Variants in UHRF2 observed in about 807,000 individuals in gnomAD.
The protein encoded by UHRF2 is ubiquitin like with PHD and ring finger domains 2.
In UHRF2, 23 loss-of-function variants were observed where a neutral mutation model predicts 96.8. The observed-to-expected ratio is 0.24, with a 90% CI of 0.17 to 0.34. UHRF2 has a LOEUF of 0.34. UHRF2 is among the 10% of genes least tolerant of loss of function. The pLI is 1.00. For synonymous variants in UHRF2, 385 were observed against 332.6 expected, an observed-to-expected ratio of 1.16 and a Z score of -1.72; for missense variants, 685 against 981.5, an observed-to-expected ratio of 0.70 and a Z score of 4.04.
chr9:6,450,056 G>C (rs980148980), intron 3 of UHRF2, among the ~76,000 whole-genome samples: 1 of 152,118 alleles, frequency 6.6e-6, no homozygotes, highest in African/African-American at 2.4e-5. Flanking sequence ...ATAATGTGTA[G>C]AGGAGTCCTG....
intron 2 of UHRF2, chr9:6,422,495 A>G: frequency 2.4e-6 from 1 of 425,226 alleles, no homozygotes; most frequent in Non-Finnish European, 4.3e-6. Flanking sequence ...AGCTCTACAA[A>G]TCTGATGGGA....
chr9:6,418,888 C>G (rs1474535068), intron 1 of UHRF2, among the ~76,000 whole-genome samples: 2 of 152,124 alleles, frequency 1.3e-5, no homozygotes, highest in Non-Finnish European at 2.9e-5. Flanking sequence ...CAGGGCCGTC[C>G]TCTGATAGCT....
Position 6,443,639 on chromosome 9 carries a change from A to G in UHRF2, c.644+9466A>G, listed in dbSNP as rs762422752. On this transcript the variant is annotated intron_variant, in intron 3 of 15. Coordinates refer to ENST00000276893, the MANE Select transcript of UHRF2 (RefSeq NM_152896.3). ...ACCAGAGAAGTTCTTTTTCTTGTCCATAAACACCTGTATGTACTTCTCTGT... is the reference window on the plus strand; with the variant it reads ...ACCAGAGAAGTTCTTTTTCTTGTCCGTAAACACCTGTATGTACTTCTCTGT... Among the ~76,000 whole-genome samples, 79 of 152,350 alleles carry G rather than the reference A, an allele frequency of 5.2e-4. 1 individual carries two copies. Among genetic ancestry groups the G allele is most frequent in the Non-Finnish European group, 3.4e-4 (23 of 68,032 alleles).
chr9:6,491,260 T>G (rs940094740), intron 9 of UHRF2, among the ~76,000 whole-genome samples: 1 of 152,228 alleles, frequency 6.6e-6, no homozygotes. Context: ...TGGAGCCATC[T>G]CTTTTCCTAG....
intron 2 of UHRF2, among the ~76,000 whole-genome samples, chr9:6,430,992 A>T (rs1347122342): frequency 2.6e-5 from 4 of 151,902 alleles, no homozygotes; most frequent in Non-Finnish European, 4.4e-5. Context: ...CTATTTTGCT[A>T]CTCCTTTAGC....
intron 3 of UHRF2, among the ~76,000 whole-genome samples, chr9:6,445,348 C>G (rs566689086): frequency 7.2e-5 from 11 of 152,092 alleles, no homozygotes; most frequent in African/African-American, 2.7e-4. Flanking sequence ...ACTGCAACCT[C>G]CACCTCCCAG....
intron 9 of UHRF2, among the ~76,000 whole-genome samples, chr9:6,487,180 TC>T (rs1824341457): frequency 7.1e-6 from 1 of 141,488 alleles, no homozygotes; most frequent in Non-Finnish European, 1.5e-5. Context: ...TATTTTTTTT[TC>T]CTTTTTTTTT....
At chr9:6,462,668 C>T (rs1312485414) in intron 4 of UHRF2, among the ~76,000 whole-genome samples, 2 of 152,170 alleles carry the variant, frequency 1.3e-5, no homozygotes, top group African/African-American at 2.4e-5. Flanking sequence ...CCTGTAATCC[C>T]AGCACTTTGG....
chr9:6,436,155 C>T (rs960333492), intron 3 of UHRF2, among the ~76,000 whole-genome samples: 5 of 152,052 alleles, frequency 3.3e-5, no homozygotes, highest in South Asian at 4.1e-4. Context: ...AATCCTAGAA[C>T]GCTTATTATT....
chr9:6,447,226 C>T (rs1255635118), intron 3 of UHRF2, among the ~76,000 whole-genome samples: 1 of 152,134 alleles, frequency 6.6e-6, no homozygotes, highest in Non-Finnish European at 1.5e-5. Context: ...GTTGTTTCTA[C>T]TATTAGCAAA....
intron 4 of UHRF2, among the ~76,000 whole-genome samples, chr9:6,474,330 G>C (rs1823430555): frequency 1.3e-5 from 2 of 152,206 alleles, no homozygotes; most frequent in South Asian, 4.1e-4. Context: ...TTTTGATTCA[G>C]AATGCATTAC....
chr9:6,419,813 T>C (rs1819821896), intron 1 of UHRF2, among the ~76,000 whole-genome samples: 1 of 152,206 alleles, frequency 6.6e-6, no homozygotes, highest in Non-Finnish European at 1.5e-5. Flanking sequence ...TGATCATGGC[T>C]TACTGTAGCC....
intron 3 of UHRF2, among the ~76,000 whole-genome samples, chr9:6,443,825 A>G (rs774387194): frequency 3.1e-4 from 47 of 152,344 alleles, no homozygotes; most frequent in Non-Finnish European, 5.9e-4. Context: ...CTAGGCTATA[A>G]TTAAAAACTC....
At chr9:6,489,773 G>A (rs184554502) in intron 9 of UHRF2, among the ~76,000 whole-genome samples, 1 of 149,238 alleles carries the variant, frequency 6.7e-6, no homozygotes, top group African/African-American at 2.5e-5. Context: ...GTGGTCTTCA[G>A]GTATTTACTT....
At chr9:6,475,876 G>A (rs1823537861) in intron 5 of UHRF2, among the ~76,000 whole-genome samples, 1 of 152,036 alleles carries the variant, frequency 6.6e-6, no homozygotes, top group Admixed American at 6.6e-5. Context: ...CATTTTTTGT[G>A]TGTGTTGGGA....
chr9:6,420,411 T>C (rs1273731514), intron 1 of UHRF2, among the ~76,000 whole-genome samples: 1 of 59,550 alleles, frequency 1.7e-5, no homozygotes, highest in African/African-American at 6.9e-5. Context: ...GGAGTAATTA[T>C]TAAGAATTTA....
chr9:6,443,283 A>G (rs1353526902), intron 3 of UHRF2, among the ~76,000 whole-genome samples: 1 of 152,220 alleles, frequency 6.6e-6, no homozygotes, highest in Non-Finnish European at 1.5e-5. Context: ...CAGTGTGCCA[A>G]GCAGTATACA....
intron 9 of UHRF2, among the ~76,000 whole-genome samples, chr9:6,491,317 A>AT (rs1563803028): frequency 6.6e-6 from 1 of 152,202 alleles, no homozygotes; most frequent in African/African-American, 2.4e-5. Flanking sequence ...CATCTGTAAA[A>AT]TAAGATTTAT....
chr9:6,497,978 A>G lies in UHRF2; in HGVS notation c.1768-40A>G. 5 of 1,605,490 alleles carry G rather than the reference A, an allele frequency of 3.1e-6. No homozygotes were observed. The Middle Eastern group carries it at 6.8e-4, about 219-fold the overall frequency. On this transcript the variant is annotated intron_variant, in intron 11 of 15. Transcript: ENST00000276893. ...CCACTAATGTGATGAATAAGTCTAA[A>G]TTTTAAATCTCAAACTGGCACTGAA...
Sources: allele counts gnomAD v4.1 joint callset (sites outside exome capture counted in the v4.1 genomes callset), GRCh38; gene constraint gnomAD v4.1.1; transcripts MANE v1.5; gene names NCBI Gene and HGNC (gene_info 2026-07-23, HGNC 2026-07-21).